The following GRID1 variants were observed in gnomAD, a reference collection of about 807,000 sequenced individuals.
GRID1 encodes the protein glutamate receptor ionotropic, delta-1.
A neutral mutation model predicts 98.0 loss-of-function variants in GRID1; 28 were observed. That is an observed-to-expected ratio of 0.29 (90% CI 0.21 to 0.39). The LOEUF is 0.39. GRID1 is among the 10% of genes least tolerant of loss of function. GRID1 has a pLI of 1.00. For missense variants in GRID1, 1,111 were observed against 1,340.5 expected, an observed-to-expected ratio of 0.83 and a Z score of 2.67; for synonymous variants, 553 against 538.5, an observed-to-expected ratio of 1.03 and a Z score of -0.37.
At chr10:85,766,856 C>A (rs773114598) in intron 8 of GRID1, among the ~76,000 whole-genome samples, 1 of 150,540 alleles carries the variant, frequency 6.6e-6, no homozygotes, top group Non-Finnish European at 1.5e-5. Context: ...CACTTTCATA[C>A]CTGATTTTAC....
intron 8 of GRID1, among the ~76,000 whole-genome samples, chr10:85,806,274 C>T (rs1397290642): frequency 6.6e-6 from 1 of 151,864 alleles, no homozygotes; most frequent in Non-Finnish European, 1.5e-5. Context: ...CACTATATGC[C>T]CACCAGAATG....
intron 5 of GRID1, among the ~76,000 whole-genome samples, chr10:85,910,610 A>G (rs993723329): frequency 6.6e-6 from 1 of 152,220 alleles, no homozygotes; most frequent in Non-Finnish European, 1.5e-5. Flanking sequence ...TCTAGGCAGA[A>G]GGTGCTGAAG....
chr10:85,689,148 T>C (rs978102329), intron 12 of GRID1, among the ~76,000 whole-genome samples: 1 of 152,134 alleles, frequency 6.6e-6, no homozygotes, highest in Admixed American at 6.6e-5. Context: ...ACAATAATCA[T>C]AAAAATGATA....
chr10:86,236,213 T>C (rs1168419472), intron 2 of GRID1, among the ~76,000 whole-genome samples: 3 of 152,226 alleles, frequency 2.0e-5, no homozygotes, highest in Non-Finnish European at 4.4e-5. Context: ...TCTATACAAA[T>C]CTTTTGCCCA....
intron 3 of GRID1, among the ~76,000 whole-genome samples, chr10:86,142,400 T>C (rs537362064): frequency 3.3e-5 from 5 of 152,258 alleles, no homozygotes; most frequent in Non-Finnish European, 5.9e-5. Context: ...CTGTCACAGC[T>C]TACCTGTGGC....
rs369583216 is a variant in GRID1 at position 85,661,454 on chromosome 10, C to A, written c.1998-14057G>T. Among the ~76,000 whole-genome samples the A allele has an allele frequency of 5.9e-5, 9 of 152,322 alleles. No individual in the cohort carries two copies. In the East Asian group the frequency reaches 9.6e-4, roughly 16 times the overall value. ...AGCTGTTTTCTCTGAAAACTAGAATCTCATTTTGCAGTGTCTGTTGAGACT... is the reference window on the plus strand; with the variant it reads ...AGCTGTTTTCTCTGAAAACTAGAATATCATTTTGCAGTGTCTGTTGAGACT... On this transcript the variant is annotated intron_variant, in intron 12 of 15. Transcript: ENST00000327946.
chr10:85,748,682 C>T (rs1842020154), intron 8 of GRID1, among the ~76,000 whole-genome samples: 1 of 152,090 alleles, frequency 6.6e-6, no homozygotes, highest in Non-Finnish European at 1.5e-5. Context: ...CAATCTTCAT[C>T]AATGCTCTAA....
At chr10:86,106,509 T>C (rs1053408492) in intron 4 of GRID1, among the ~76,000 whole-genome samples, 54 of 130,814 alleles carry the variant, frequency 4.1e-4, no homozygotes, top group African/African-American at 1.6e-3. Context: ...GATGGGAGAA[T>C]GGGCCTGCTT....
rs1841778469 is a variant in GRID1, at chr10:85,727,843, A to G, written c.1533+12T>C. On this transcript the variant is annotated intron_variant, in intron 10 of 15. Transcript: ENST00000327946. ...GGGTGCCCCTCCCCCTGGATCTGCT[A>G]TGGGGACCTACCTTGCTGATGAGCT... The G allele has an allele frequency of 6.2e-7, 1 of 1,607,150 alleles. No homozygotes were observed. Among genetic ancestry groups the G allele is most frequent in the East Asian group, 2.2e-5 (1 of 44,850 alleles).
At chr10:85,711,343 A>G (rs1168308029) in intron 12 of GRID1, among the ~76,000 whole-genome samples, 6 of 151,968 alleles carry the variant, frequency 3.9e-5, no homozygotes. Flanking sequence ...ATGAATCTTG[A>G]AACCAAGAAA....
chr10:86,026,769 C>T (rs1221313816), intron 4 of GRID1, among the ~76,000 whole-genome samples: 1 of 152,222 alleles, frequency 6.6e-6, no homozygotes, highest in Non-Finnish European at 1.5e-5. Flanking sequence ...AGTGGCTATG[C>T]TGGATGACCA....
chr10:85,941,139 A>T (rs1198128151), intron 4 of GRID1, among the ~76,000 whole-genome samples: 1 of 152,202 alleles, frequency 6.6e-6, no homozygotes, highest in African/African-American at 2.4e-5. Flanking sequence ...AATCAGGAAG[A>T]TATAGGTTCA....
chr10:85,978,018 A>G (rs1446269101), intron 4 of GRID1, among the ~76,000 whole-genome samples: 1 of 152,194 alleles, frequency 6.6e-6, no homozygotes, highest in Admixed American at 6.5e-5. Context: ...AGAGCCTGAG[A>G]ATGTATCCAG....
chr10:85,613,458 G>A lies in GRID1; in HGVS notation c.2550C>T (p.Ala850=), dbSNP rs780471189. 2 of 1,613,958 alleles carry A rather than the reference G, an allele frequency of 1.2e-6. No homozygotes were observed. Among genetic ancestry groups the A allele is most frequent in the African/African-American group, 1.3e-5 (1 of 75,060 alleles). ...GGTTGCTGTTCCACCACAACTCCAG[G>A]GCAGCCACCAGGCAGGCCAGGAGCA... ...IGLLLACLVA[A]LELWWNSNRC... is the part of the protein sequence containing the mutation. Residue 850 remains alanine, a synonymous_variant, in exon 15 of 16, where the codon GCC becomes GCT. Transcript: ENST00000327946.
intron 2 of GRID1, among the ~76,000 whole-genome samples, chr10:86,286,105 A>G (rs958698943): frequency 6.6e-6 from 1 of 152,168 alleles, no homozygotes; most frequent in Non-Finnish European, 1.5e-5. Flanking sequence ...TGTAGGTATA[A>G]GTAGAGGTTA....
At chr10:85,607,814 T>A (rs896736359) in intron 15 of GRID1, among the ~76,000 whole-genome samples, 12 of 150,834 alleles carry the variant, frequency 8.0e-5, no homozygotes, top group Admixed American at 7.9e-4. Context: ...TTCCTTTTTT[T>A]TTTTTTTTTG....
At chr10:86,068,427 G>T (rs1564665121) in intron 4 of GRID1, among the ~76,000 whole-genome samples, 1 of 152,194 alleles carries the variant, frequency 6.6e-6, no homozygotes, top group Non-Finnish European at 1.5e-5. Context: ...TCACCATTCT[G>T]TGCGTTCCTC....
intron 2 of GRID1, among the ~76,000 whole-genome samples, chr10:86,326,249 G>A (rs1848049071): frequency 6.6e-6 from 1 of 152,188 alleles, no homozygotes; most frequent in African/African-American, 2.4e-5. Context: ...AATAAATGGG[G>A]AGACACACTA....
chr10:85,914,242 A>G (rs1425963240), intron 5 of GRID1, among the ~76,000 whole-genome samples: 1 of 152,202 alleles, frequency 6.6e-6, no homozygotes, highest in African/African-American at 2.4e-5. Flanking sequence ...AAGAAAAGAA[A>G]ACAGGTTAGG....
Sources: gnomAD v4.1 joint callset for allele counts (sites outside exome capture counted in the v4.1 genomes callset) on GRCh38, gnomAD v4.1.1 for gene constraint, MANE v1.5 for transcripts, NCBI Gene and HGNC (gene_info 2026-07-23, HGNC 2026-07-21) for gene names.